Variants in DOCK3 observed in about 807,000 individuals in gnomAD.
The protein encoded by DOCK3 is dedicator of cytokinesis protein 3.
Under a neutral mutation model 265.6 loss-of-function variants are expected in DOCK3, and 60 were observed. The observed-to-expected ratio is 0.23, with a 90% CI of 0.18 to 0.28. The LOEUF is 0.28. Ranked by LOEUF, DOCK3 falls within the 10% of genes least tolerant of loss-of-function variation. The pLI is 1.00. For missense variants in DOCK3, 1,981 were observed against 2,594.3 expected, an observed-to-expected ratio of 0.76 and a Z score of 5.14; for synonymous variants, 881 against 938.0, an observed-to-expected ratio of 0.94 and a Z score of 1.11.
intron 5 of DOCK3, among the ~76,000 whole-genome samples, chr3:51,013,712 G>T (rs2079040805): frequency 6.6e-6 from 1 of 152,188 alleles, no homozygotes; most frequent in Admixed American, 6.5e-5. Flanking sequence ...AGAGCTTTTA[G>T]ACAGGGACGT....
Position 50,785,656 on chromosome 3 carries a change from T to C in DOCK3, c.121+6898T>C, listed in dbSNP as rs542922890. Among the ~76,000 whole-genome samples the C allele has an allele frequency of 3.3e-4, 51 of 152,368 alleles. 1 individual carries two copies. In the South Asian group the frequency reaches 6.6e-3, roughly 20 times the overall value. On this transcript the variant is annotated intron_variant, in intron 2 of 52. Transcript: ENST00000266037. Reference sequence around the variant, plus strand: ...TTAAACCATCTCTGTGTTCCTGGTATGAAACCCACTTCATCATGGTGGATT... The same window carrying C: ...TTAAACCATCTCTGTGTTCCTGGTACGAAACCCACTTCATCATGGTGGATT...
chr3:50,997,776 T>C (rs1469855111), intron 5 of DOCK3, among the ~76,000 whole-genome samples: 1 of 152,100 alleles, frequency 6.6e-6, no homozygotes, highest in East Asian at 1.9e-4. Context: ...TAGGGATCAG[T>C]TGGAGGAGTG....
intron 23 of DOCK3, among the ~76,000 whole-genome samples, chr3:51,266,942 A>G (rs1024700933): frequency 1.3e-5 from 2 of 152,232 alleles, no homozygotes; most frequent in Non-Finnish European, 2.9e-5. Flanking sequence ...ACAAACGGCT[A>G]ATATCCAAAA....
intron 5 of DOCK3, among the ~76,000 whole-genome samples, chr3:50,936,384 T>C (rs376878931): frequency 6.9e-6 from 1 of 144,180 alleles, no homozygotes; most frequent in Non-Finnish European, 1.5e-5. Flanking sequence ...AAAAAAAAAT[T>C]TTTTTTTTTT....
intron 5 of DOCK3, among the ~76,000 whole-genome samples, chr3:51,048,753 T>C (rs541949415): frequency 1.3e-5 from 2 of 151,940 alleles, no homozygotes; most frequent in East Asian, 3.9e-4. Context: ...CAGTAAAAAC[T>C]ATGGGAGGCT....
intron 10 of DOCK3, among the ~76,000 whole-genome samples, chr3:51,156,346 A>C (rs1044805368): frequency 6.6e-6 from 1 of 152,162 alleles, no homozygotes; most frequent in Non-Finnish European, 1.5e-5. Flanking sequence ...AGGATTAGAG[A>C]GTTTGGTCCA....
In DOCK3 at chr3:51,357,012, C is replaced by T; in HGVS notation, c.4554C>T (p.Asn1518=). ...ENAIQVVENK[N]QELRSLISQY... ...CCATCCAAGTGGTTGAGAATAAGAA[C>T]CAGGAGCTACGCTCCCTGATCAGCC... The change falls in exon 44 of 53, where the codon AAC becomes AAT. Residue 1518 remains asparagine, a synonymous_variant. Transcript: ENST00000266037. 1 of 1,613,476 alleles carries T rather than the reference C, an allele frequency of 6.2e-7. No homozygotes were observed. The highest frequency in any genetic ancestry group is 8.5e-7 in the Non-Finnish European group (1 of 1,179,876).
rs1038195274 is a variant in DOCK3 at position 51,374,165 on chromosome 3, C to T, written c.5294-304C>T. 4.6e-5 allele frequency among the ~76,000 whole-genome samples: 7 copies of T among 152,170 alleles called. No homozygotes were observed. Among genetic ancestry groups the T allele is most frequent in the Non-Finnish European group, 4.4e-5 (3 of 68,026 alleles). Reference sequence around the variant, plus strand: ...TGATAGTGCTTGATGCAGGGAGCCCCTAGCCACCCTGCTCCAGTTCTTAAC... The same window carrying T: ...TGATAGTGCTTGATGCAGGGAGCCCTTAGCCACCCTGCTCCAGTTCTTAAC... On this transcript the variant is annotated intron_variant, in intron 49 of 52. Transcript: ENST00000266037. The surrounding 1 kb of genome is among the most constrained non-coding windows in gnomAD (Gnocchi z 4.8).
chr3:51,276,343 T>C, intron 25 of DOCK3: 1 of 985,202 alleles, frequency 1.0e-6, no homozygotes, highest in Non-Finnish European at 1.2e-6. Context: ...TAAGATCTAC[T>C]CATAGCCCAA....
At chr3:51,339,533 G>A (rs1282851917) in intron 37 of DOCK3, among the ~76,000 whole-genome samples, 1 of 152,214 alleles carries the variant, frequency 6.6e-6, no homozygotes, top group East Asian at 1.9e-4. Context: ...TGCACTCAGT[G>A]TAGAGTATAA....
chr3:51,246,755 T>C lies in DOCK3; in HGVS notation c.2132T>C (p.Met711Thr). 7 of 1,613,624 alleles carry C rather than the reference T, an allele frequency of 4.3e-6. No homozygotes were observed. The highest frequency in any genetic ancestry group is 5.9e-6 in the Non-Finnish European group (7 of 1,179,746). Reference protein sequence around the residue: ...KELIRCLKWYMDCSAELIRQD... With the variant: ...KELIRCLKWYTDCSAELIRQD... The stretch of plus-strand genomic sequence containing the variant: ...CTCATCCGCTGTTTGAAGTGGTATA[T>C]GGACTGCTCAGCAGAACTGATTCGA... Residue 711 changes from methionine to threonine, a missense_variant, in exon 22 of 53, where the codon ATG becomes ACG. Transcript: ENST00000266037.
intron 27 of DOCK3, among the ~76,000 whole-genome samples, chr3:51,293,615 G>T (rs887764851): frequency 6.6e-6 from 1 of 152,072 alleles, no homozygotes; most frequent in Non-Finnish European, 1.5e-5. Context: ...TAGAAAATGG[G>T]ATTGCATCAA....
intron 13 of DOCK3, among the ~76,000 whole-genome samples, chr3:51,213,464 AGG>A (rs1167330309): frequency 6.6e-6 from 1 of 152,176 alleles, no homozygotes; most frequent in Non-Finnish European, 1.5e-5. Flanking sequence ...GTGAGCCAGA[AGG>A]CAGCTCACCT....
At chr3:51,222,491 A>C (rs1032034605) in intron 14 of DOCK3, among the ~76,000 whole-genome samples, 2 of 152,188 alleles carry the variant, frequency 1.3e-5, no homozygotes, top group Non-Finnish European at 2.9e-5. Flanking sequence ...GATCCCCCAG[A>C]GAGATTTTGA....
chr3:51,227,557 G>A, intron 16 of DOCK3, 112 bp downstream of exon 16: 2 of 1,453,480 alleles, frequency 1.4e-6, no homozygotes, highest in South Asian at 1.4e-5. Flanking sequence ...GAAGAGTTAG[G>A]AATAAACAGC....
chr3:50,808,373 TATGAAA>T (rs754677760), intron 2 of DOCK3, among the ~76,000 whole-genome samples: 30 of 152,278 alleles, frequency 2.0e-4, no homozygotes, highest in Middle Eastern at 3.4e-3. Context: ...ATGACATTCA[TATGAAA>T]ATGCAAAAGG....
At chr3:50,919,757 G>A (rs1424510116) in intron 4 of DOCK3, among the ~76,000 whole-genome samples, 1 of 152,098 alleles carries the variant, frequency 6.6e-6, no homozygotes, top group Non-Finnish European at 1.5e-5. Context: ...TCTCCTGCCT[G>A]ATTGCCCTGA....
At position 51,060,720 on chromosome 3, in the gene DOCK3, T is replaced by A. The variant is rs563052404; in HGVS notation, c.316-3728T>A. On this transcript the variant is annotated intron_variant, in intron 5 of 52. Coordinates refer to ENST00000266037, the MANE Select transcript of DOCK3 (RefSeq NM_004947.5). Reference sequence around the variant, plus strand: ...GATGGTTGTAGATAAGCAGCATTATTTCTGAGGGCTCTGTTCTGTTCCATT... The same window carrying A: ...GATGGTTGTAGATAAGCAGCATTATATCTGAGGGCTCTGTTCTGTTCCATT... 1.6e-4 allele frequency among the ~76,000 whole-genome samples: 25 copies of A among 152,322 alleles called. No homozygotes were observed. In the East Asian group the frequency reaches 4.0e-3, roughly 25 times the overall value.
chr3:51,300,135 G>A (rs767542550), intron 27 of DOCK3, among the ~76,000 whole-genome samples: 1 of 152,096 alleles, frequency 6.6e-6, no homozygotes, highest in Non-Finnish European at 1.5e-5. Flanking sequence ...TACTTCCCTT[G>A]TTAGCTGTAT....
Sources: allele counts gnomAD v4.1 joint callset (sites outside exome capture counted in the v4.1 genomes callset), GRCh38; gene constraint gnomAD v4.1.1; non-coding constraint Gnocchi (gnomAD v3.1); transcripts MANE v1.5; gene names NCBI Gene and HGNC (gene_info 2026-07-23, HGNC 2026-07-21).